The following PCDH15 variants were observed in gnomAD, a reference collection of about 807,000 sequenced individuals.
The protein encoded by PCDH15 is protocadherin-15.
PCDH15 carries 129 observed loss-of-function variants against 178.5 expected under a neutral mutation model. That is an observed-to-expected ratio of 0.72 (90% CI 0.63 to 0.84). PCDH15 has a LOEUF of 0.84. Ranked by LOEUF, PCDH15 falls within the 40% of genes least tolerant of loss-of-function variation. The pLI, the probability that PCDH15 is intolerant of heterozygous loss-of-function variation, is 0.00. For synonymous variants in PCDH15, 800 were observed against 732.0 expected (o/e 1.09, Z -1.50); for missense variants, 2,230 against 2,099.9 (o/e 1.06, Z -1.21).
chr10:53,824,530 A>G (rs560283334), intron 32 of PCDH15, among the ~76,000 whole-genome samples: 2 of 152,308 alleles, frequency 1.3e-5, no homozygotes, highest in East Asian at 3.9e-4. Context: ...AAAGATACGA[A>G]CTATAAGAAA....
At chr10:54,181,079 A>G (rs2047940935) in intron 13 of PCDH15, among the ~76,000 whole-genome samples, 1 of 152,164 alleles carries the variant, frequency 6.6e-6, no homozygotes, top group Non-Finnish European at 1.5e-5. Flanking sequence ...TTTTCTGTGT[A>G]AACTTACTTT....
intron 28 of PCDH15, among the ~76,000 whole-genome samples, chr10:53,842,793 CA>C (rs947913245): frequency 6.6e-6 from 1 of 152,136 alleles, no homozygotes; most frequent in Non-Finnish European, 1.5e-5. Context: ...AATCAGTTCA[CA>C]AATCAAAACG....
Position 55,344,137 on chromosome 10 carries a change from A to G in PCDH15, c.-155-177486T>C, listed in dbSNP as rs145308176. 5.6e-3 allele frequency among the ~76,000 whole-genome samples: 850 copies of G among 152,224 alleles called. 10 individuals carry two copies. The highest frequency in any genetic ancestry group is 0.02 in the African/African-American group (811 of 41,560). On this transcript the variant is annotated intron_variant, in intron 2 of 5. Coordinates refer to the PCDH15 transcript ENST00000613346. ...GAAGAATGAGATGAAATATATATGT[A>G]TTCAGATGGAAGTGTGCTTGGCAAT...
Position 55,294,710 on chromosome 10 carries a change from C to T in PCDH15, c.-156+24889G>A, listed in dbSNP as rs187108392. Among the ~76,000 whole-genome samples, 174 of 152,230 alleles carry T rather than the reference C, an allele frequency of 1.1e-3. 1 individual carries two copies. The highest frequency in any genetic ancestry group is 3.4e-3 in the African/African-American group (141 of 41,532). On this transcript the variant is annotated intron_variant, in intron 1 of 5. Transcript: ENST00000458638. ...TCATCATTCCCAATAAGCCTATGAA[C>T]ATATTGAATAGTCAGTTATGTAAGG...
At chr10:55,561,356 C>A (rs557865276) in intron 2 of PCDH15, among the ~76,000 whole-genome samples, 3 of 151,910 alleles carry the variant, frequency 2.0e-5, no homozygotes, top group African/African-American at 7.2e-5. Flanking sequence ...TCTACTATCA[C>A]AGCAAACAAA....
chr10:54,660,511 T>C (rs2094474006), intron 2 of PCDH15, among the ~76,000 whole-genome samples: 2 of 152,010 alleles, frequency 1.3e-5, no homozygotes, highest in Admixed American at 6.6e-5. Flanking sequence ...CCAAACAGAT[T>C]AACAGCCAAA....
At chr10:54,168,269 T>C (rs1284565196) in intron 13 of PCDH15, among the ~76,000 whole-genome samples, 1 of 152,156 alleles carries the variant, frequency 6.6e-6, no homozygotes, top group Non-Finnish European at 1.5e-5. Flanking sequence ...CCAGGCATTC[T>C]TTTACACATC....
chr10:55,052,508 T>TG (rs34824280), intron 2 of PCDH15, among the ~76,000 whole-genome samples: 103,643 of 103,646 alleles, frequency 1, 51,820 homozygotes, highest in Non-Finnish European at 1. Context: ...AAGACCAGCC[T>TG]GGCAACATGG....
chr10:53,908,648 T>A (rs572353125), intron 25 of PCDH15, among the ~76,000 whole-genome samples: 45 of 152,336 alleles, frequency 3.0e-4, no homozygotes, highest in African/African-American at 9.6e-4. Flanking sequence ...TTTATTCCTG[T>A]ACTTGGGAAT....
At chr10:53,841,699 A>T (rs61048650) in intron 28 of PCDH15, among the ~76,000 whole-genome samples, 8 of 152,194 alleles carry the variant, frequency 5.3e-5, no homozygotes, top group African/African-American at 1.9e-4. Flanking sequence ...CTTTTCTGTC[A>T]CCACTCCACG....
At chr10:54,316,687 G>A (rs1207848466) in intron 8 of PCDH15, among the ~76,000 whole-genome samples, 1 of 152,064 alleles carries the variant, frequency 6.6e-6, no homozygotes, top group Non-Finnish European at 1.5e-5. Context: ...GGTCCAAGCT[G>A]TGAAATCCAA....
At chr10:54,936,548 A>G (rs955321440) in intron 2 of PCDH15, among the ~76,000 whole-genome samples, 3 of 151,946 alleles carry the variant, frequency 2.0e-5, no homozygotes, top group African/African-American at 4.8e-5. Context: ...TCTATTTGTA[A>G]TGTATTTTTT....
At chr10:55,496,930 C>A (rs1840547644) in intron 2 of PCDH15, among the ~76,000 whole-genome samples, 1 of 151,706 alleles carries the variant, frequency 6.6e-6, no homozygotes, top group Admixed American at 6.6e-5. Context: ...TTTTAGTAAG[C>A]TAATTTGTTT....
chr10:54,174,800 C>G (rs1281511293), intron 13 of PCDH15, among the ~76,000 whole-genome samples: 1 of 135,652 alleles, frequency 7.4e-6, no homozygotes, highest in Non-Finnish European at 1.5e-5. Flanking sequence ...CCAAGAGATT[C>G]TCCCGCTTCA....
chr10:55,212,787 C>T (rs559089292), intron 1 of PCDH15, among the ~76,000 whole-genome samples: 4 of 152,138 alleles, frequency 2.6e-5, no homozygotes, highest in African/African-American at 4.8e-5. Context: ...TAATCATAGG[C>T]GGGTCTCTAC....
chr10:54,052,782 C>A (rs992979576), intron 18 of PCDH15, among the ~76,000 whole-genome samples: 1 of 152,100 alleles, frequency 6.6e-6, no homozygotes, highest in African/African-American at 2.4e-5. Context: ...ACCCAAATCT[C>A]ACCTTGAATT....
At chr10:55,195,023 ATTT>A (rs763738202) in intron 1 of PCDH15, among the ~76,000 whole-genome samples, 3 of 140,498 alleles carry the variant, frequency 2.1e-5, no homozygotes, top group Non-Finnish European at 1.6e-5. Flanking sequence ...GAAGAAGAAA[ATTT>A]TTTTTTTTTT....
At chr10:54,717,061 AG>A (rs1419644018) in intron 1 of PCDH15, among the ~76,000 whole-genome samples, 1 of 148,410 alleles carries the variant, frequency 6.7e-6, no homozygotes, top group African/African-American at 2.5e-5. Flanking sequence ...AGCTATATGT[AG>A]AAAGCTGAAA....
intron 3 of PCDH15, among the ~76,000 whole-genome samples, chr10:54,442,565 A>C (rs997478088): frequency 1.4e-5 from 2 of 147,834 alleles, no homozygotes; most frequent in African/African-American, 4.9e-5. Flanking sequence ...ATTATGCATA[A>C]ATTCCTATAG....
Sources: allele counts gnomAD v4.1 joint callset (sites outside exome capture counted in the v4.1 genomes callset), GRCh38; gene constraint gnomAD v4.1.1; transcripts MANE v1.5; gene names NCBI Gene and HGNC (gene_info 2026-07-23, HGNC 2026-07-21).